Variants in KCNH5 observed in about 807,000 individuals in gnomAD.
KCNH5 encodes the protein voltage-gated delayed rectifier potassium channel KCNH5.
In KCNH5, 46 loss-of-function variants were observed where a neutral mutation model predicts 96.1. That is an observed-to-expected ratio of 0.48 (90% CI 0.38 to 0.61). The LOEUF (loss-of-function observed/expected upper bound fraction) is 0.61, where lower values mean the gene tolerates loss of function less well. KCNH5 is among the 20% of genes least tolerant of loss of function. KCNH5 has a pLI of 0.00. For missense variants in KCNH5, 907 were observed against 1,225.8 expected (o/e 0.74, Z 3.88); for synonymous variants, 439 against 449.8 (o/e 0.98, Z 0.30).
At chr14:62,898,096 C>G (rs1198893893) in intron 7 of KCNH5, among the ~76,000 whole-genome samples, 1 of 152,022 alleles carries the variant, frequency 6.6e-6, no homozygotes, top group Non-Finnish European at 1.5e-5. Context: ...TAAATAAGAC[C>G]AGATACTTGG....
chr14:62,774,397 G>A (rs1273491456), intron 10 of KCNH5, among the ~76,000 whole-genome samples: 2 of 152,162 alleles, frequency 1.3e-5, no homozygotes, highest in Non-Finnish European at 2.9e-5. Flanking sequence ...AAGTTCACAA[G>A]AGCCAGCTTT....
chr14:62,704,328 C>T lies in KCNH5; in HGVS notation c.*3180G>A, dbSNP rs1884391351. On this transcript the variant is annotated 3_prime_UTR_variant, in exon 11 of 11. Coordinates refer to ENST00000322893, the MANE Select transcript of KCNH5 (RefSeq NM_139318.5). Reference sequence around the variant, plus strand: ...CAATGAAGCATGGGCCTGTATTCAACCACGTCATTCAATTCAACCACTGTG... The same window carrying T: ...CAATGAAGCATGGGCCTGTATTCAATCACGTCATTCAATTCAACCACTGTG... 1 of 151,840 alleles carries T rather than the reference C, an allele frequency of 6.6e-6. No homozygotes were observed. Among genetic ancestry groups the T allele is most frequent in the South Asian group, 2.1e-4 (1 of 4,830 alleles). The allele number at this position is 151,840 out of a possible 1,614,324, so 9.4% of individuals were successfully genotyped here.
intron 10 of KCNH5, among the ~76,000 whole-genome samples, chr14:62,714,659 T>G (rs192626135): frequency 6.6e-6 from 1 of 152,210 alleles, no homozygotes; most frequent in Non-Finnish European, 1.5e-5. Context: ...GAAATTATTA[T>G]AGAAAGTGTT....
intron 10 of KCNH5, among the ~76,000 whole-genome samples, chr14:62,741,734 C>G (rs376033921): frequency 2.6e-5 from 4 of 152,038 alleles, no homozygotes; most frequent in South Asian, 4.2e-4. Context: ...TCATTCTTTC[C>G]TGAAAATACA....
At chr14:62,947,674 C>G (rs976408033) in intron 7 of KCNH5, among the ~76,000 whole-genome samples, 1 of 151,880 alleles carries the variant, frequency 6.6e-6, no homozygotes, top group African/African-American at 2.4e-5. Context: ...ATGTCAAAAT[C>G]TAAGCCTCTG....
At chr14:62,992,328 T>C (rs1379787894) in intron 4 of KCNH5, among the ~76,000 whole-genome samples, 1 of 152,094 alleles carries the variant, frequency 6.6e-6, no homozygotes, top group Non-Finnish European at 1.5e-5. Context: ...TTTATTTTCT[T>C]TTGGTACATA....
intron 7 of KCNH5, among the ~76,000 whole-genome samples, chr14:62,897,068 G>A (rs1713697008): frequency 1.3e-5 from 2 of 152,200 alleles, no homozygotes; most frequent in South Asian, 4.1e-4. Flanking sequence ...GTCACTGTGA[G>A]CAGTGGCTAG....
intron 9 of KCNH5, among the ~76,000 whole-genome samples, chr14:62,784,367 A>G (rs1419088221): frequency 1.3e-5 from 2 of 152,206 alleles, no homozygotes; most frequent in South Asian, 4.1e-4. Context: ...CAGCCAAACC[A>G]TATCATTATA....
intron 8 of KCNH5, among the ~76,000 whole-genome samples, chr14:62,803,804 C>G (rs927575828): frequency 1.3e-5 from 2 of 152,190 alleles, no homozygotes; most frequent in African/African-American, 4.8e-5. Context: ...CAAGTGCAAA[C>G]TCATTTAGAA....
At chr14:62,996,811 G>C in intron 4 of KCNH5, among the ~76,000 whole-genome samples, 1 of 152,158 alleles carries the variant, frequency 6.6e-6, no homozygotes, top group Admixed American at 6.6e-5. Flanking sequence ...AACTTCATCT[G>C]TGCCATGAAA....
At chr14:62,894,759 T>C (rs1289234543) in intron 7 of KCNH5, among the ~76,000 whole-genome samples, 2 of 152,242 alleles carry the variant, frequency 1.3e-5, no homozygotes, top group Non-Finnish European at 2.9e-5. Context: ...GTTGGCTCCA[T>C]CTGATGGCCT....
chr14:62,771,498 G>A (rs978660474), intron 10 of KCNH5, among the ~76,000 whole-genome samples: 21 of 152,172 alleles, frequency 1.4e-4, no homozygotes, highest in Non-Finnish European at 2.2e-4. Flanking sequence ...GGTGGCAGGC[G>A]CCTGTAGTCC....
chr14:62,941,643 A>T (rs1036115894), intron 7 of KCNH5, among the ~76,000 whole-genome samples: 2 of 152,206 alleles, frequency 1.3e-5, no homozygotes, highest in Non-Finnish European at 2.9e-5. Flanking sequence ...AGCTCTCCCC[A>T]TCTGGCTAAA....
At chr14:62,821,034 C>T (rs1336757394) in intron 8 of KCNH5, among the ~76,000 whole-genome samples, 1 of 151,974 alleles carries the variant, frequency 6.6e-6, no homozygotes, top group African/African-American at 2.4e-5. Flanking sequence ...CTCTCCACAA[C>T]CTCACCAGCA....
intron 3 of KCNH5, among the ~76,000 whole-genome samples, chr14:63,003,122 T>C (rs1415890503): frequency 2.0e-5 from 3 of 152,174 alleles, no homozygotes; most frequent in African/African-American, 7.2e-5. Flanking sequence ...TTAGATTTCA[T>C]GCCTTGCTGT....
At chr14:62,841,832 C>G (rs1887591613) in intron 8 of KCNH5, among the ~76,000 whole-genome samples, 1 of 152,210 alleles carries the variant, frequency 6.6e-6, no homozygotes, top group Non-Finnish European at 1.5e-5. Flanking sequence ...GATGTGAACA[C>G]AAAAGCGTGG....
At chr14:62,709,348 G>C (rs1884521071) in intron 10 of KCNH5, among the ~76,000 whole-genome samples, 1 of 151,972 alleles carries the variant, frequency 6.6e-6, no homozygotes, top group Non-Finnish European at 1.5e-5. Flanking sequence ...CATCTGGGTT[G>C]GGTGAGGGGA....
At chr14:62,709,692 T>A (rs999679973) in intron 10 of KCNH5, among the ~76,000 whole-genome samples, 1 of 152,074 alleles carries the variant, frequency 6.6e-6, no homozygotes, top group African/African-American at 2.4e-5. Flanking sequence ...TTGAAGATAA[T>A]AATGGGAAGA....
intron 7 of KCNH5, among the ~76,000 whole-genome samples, chr14:62,861,637 TACACACACACAC>T (rs142699720): frequency 9.2e-5 from 13 of 141,916 alleles, no homozygotes; most frequent in South Asian, 2.4e-4. Flanking sequence ...CATCTCCATT[TACACACACACAC>T]ACACACACAC....
Sources: allele counts gnomAD v4.1 joint callset (sites outside exome capture counted in the v4.1 genomes callset), GRCh38; gene constraint gnomAD v4.1.1; transcripts MANE v1.5; gene names NCBI Gene and HGNC (gene_info 2026-07-23, HGNC 2026-07-21).